Variants in CENPE observed in about 807,000 individuals in gnomAD.
CENPE encodes the protein centromere protein E, also known as centromere-associated protein E.
A neutral mutation model predicts 336.1 loss-of-function variants in CENPE; 145 were observed. That is an observed-to-expected ratio of 0.43 (90% CI 0.38 to 0.50). CENPE has a LOEUF of 0.50. CENPE is among the 20% of genes least tolerant of loss of function. CENPE has a pLI of 0.00. For synonymous variants in CENPE, 1,013 were observed against 984.8 expected (o/e 1.03, Z -0.54); for missense variants, 2,719 against 3,023.3 (o/e 0.90, Z 2.36).
At position 103,145,623 on chromosome 4, in the gene CENPE, T is replaced by G. The variant is rs772741547; in HGVS notation, c.4472A>C (p.Glu1491Ala). Residue 1491 changes from glutamate to alanine, a missense_variant, in exon 31 of 49, where the codon GAA (glutamate) becomes GCA (alanine). Physicochemically the swap from Glu to Ala is moderately radical, Grantham distance 107 (BLOSUM62 -1). Coordinates refer to ENST00000265148, the MANE Select transcript of CENPE (RefSeq NM_001813.3). The part of the protein sequence containing the change: ...VAHCCLKEQE[E>A]TINELRVNLS... ...ATTCACTCTTAACTCATTAATAGTT[T>G]CCTCTTGTTCTTTCAGGCAACAATG... The G allele has an allele frequency of 1.2e-6, 2 of 1,608,450 alleles. No individual in the cohort carries two copies. Among genetic ancestry groups the G allele is most frequent in the Non-Finnish European group, 1.7e-6 (2 of 1,178,218 alleles).
chr4:103,115,289 A>T (rs191728438), intron 45 of CENPE, among the ~76,000 whole-genome samples: 164 of 152,064 alleles, frequency 1.1e-3, no homozygotes, highest in African/African-American at 3.3e-3. Flanking sequence ...ACCTGCCACC[A>T]CGCCTGGCTA....
At chr4:103,172,518 C>T (rs553249808) in intron 16 of CENPE, among the ~76,000 whole-genome samples, 43 of 152,080 alleles carry the variant, frequency 2.8e-4, no homozygotes, top group South Asian at 6.2e-4. Context: ...AGCTGAAAGC[C>T]TTTTACTCTA....
rs769722090 is a variant in CENPE at position 103,183,205 on chromosome 4, C to G, written c.829G>C (p.Val277Leu). The G allele has an allele frequency of 3.1e-6, 5 of 1,610,778 alleles. No homozygotes were observed. In the Admixed American group the frequency reaches 6.7e-5, roughly 22 times the overall value. ...QVIKKLSDGQVGGFINYRDSK... is the reference protein window; with the variant it reads ...QVIKKLSDGQLGGFINYRDSK... ...TGCACAACGGGATAAACTTACCCAA[C>G]TTGTCCATCACTAAGTTTCTTGATC... Residue 277 changes from valine (V) to leucine (L), a missense_variant, in exon 10 of 49, where the codon GTT becomes CTT. Physicochemically the swap from Val to Leu is conservative, Grantham distance 32. Coordinates refer to ENST00000265148, the MANE Select transcript of CENPE (RefSeq NM_001813.3).
In CENPE at chr4:103,158,779, C is replaced by A. The variant is rs1308898555; in HGVS notation, c.2709G>T (p.Leu903=). The change falls in exon 23 of 49, where the codon CTG becomes CTT. Residue 903 remains leucine (L), a synonymous_variant. Transcript: ENST00000265148. ...KEQLENRDST[L]QTVEREKTLI... is the part of the protein sequence containing the mutation. ...GTGTTTTCTCCCTTTCTACAGTTTG[C>A]AGCGTAGAATCTCTATTTTCTAATT... is the stretch of plus-strand genomic sequence containing the variant. 4 of 1,613,022 alleles carry A rather than the reference C, an allele frequency of 2.5e-6. No homozygotes were observed. The South Asian group carries it at 4.4e-5, about 18-fold the overall frequency.
At chr4:103,148,784 T>TAC in intron 28 of CENPE, 60 bp downstream of exon 28, 6 of 1,488,496 alleles carry the variant, frequency 4.0e-6, no homozygotes, top group Non-Finnish European at 5.5e-6. Context: ...CTGCTTATCT[T>TAC]TCCTTCAAAG....
At chr4:103,123,996 C>T (rs1024155574) in intron 42 of CENPE, among the ~76,000 whole-genome samples, 2 of 152,166 alleles carry the variant, frequency 1.3e-5, no homozygotes, top group African/African-American at 4.8e-5. Flanking sequence ...AGAGAGTCCA[C>T]ATTCATATAA....
In CENPE at chr4:103,196,000, T is replaced by A; in HGVS notation, c.277A>T (p.Thr93Ser). The A allele has an allele frequency of 6.2e-7, 1 of 1,613,716 alleles. No individual in the cohort carries two copies. Among genetic ancestry groups the A allele is most frequent in the South Asian group, 1.1e-5 (1 of 91,070 alleles). The change falls in exon 4 of 49, where the codon ACA becomes TCA. Residue 93 changes from threonine (T) to serine (S), a missense_variant. Thr to Ser is a moderately conservative substitution (Grantham distance 58). Around this residue, in one of 5 missense-constraint regions of CENPE, gnomAD observed 106 missense variants for 189.3 expected, o/e 0.56. Transcript: ENST00000265148. ...TCTTCTGAACCCATCATGGTATATG[T>A]TTTTCCTGAAGCAGTCTGTCCATAG... ...FAYGQTASGK[T>S]YTMMGSEDHL...
rs896625885 is a variant in CENPE at position 103,141,046 on chromosome 4, T to C, written c.5522A>G (p.Glu1841Gly). 2 of 1,593,030 alleles carry C rather than the reference T, an allele frequency of 1.3e-6. No homozygotes were observed. Among genetic ancestry groups the C allele is most frequent in the Non-Finnish European group, 1.7e-6 (2 of 1,167,636 alleles). Reference sequence around the variant, plus strand: ...CATTTCAGACACTTTTTTCTGTGTCTCATTGACATCTTTTTTTAACGTAAT... The same window carrying C: ...CATTTCAGACACTTTTTTCTGTGTCCCATTGACATCTTTTTTTAACGTAAT... ...QLITLKKDVN[E>G]TQKKVSEMEQ... Residue 1841 changes from glutamate to glycine, a missense_variant, in exon 36 of 49, where the codon GAG (glutamate) becomes GGG (glycine). Glu to Gly is a moderately conservative substitution (Grantham distance 98). This residue lies in a region of CENPE where 2,437 missense variants were observed against 2,513.3 expected (regional missense o/e 0.97). Coordinates refer to ENST00000265148, the MANE Select transcript of CENPE (RefSeq NM_001813.3).
chr4:103,160,757 C>G lies in CENPE; in HGVS notation c.2154G>C (p.Leu718Phe), dbSNP rs1754375743. Residue 718 changes from leucine (L) to phenylalanine (F), a missense_variant, in exon 21 of 49, where the codon TTG becomes TTC. Leu to Phe is a conservative substitution (Grantham distance 22). Around this residue, in one of 5 missense-constraint regions of CENPE, gnomAD observed 2,437 missense variants for 2,513.3 expected, o/e 0.97. Coordinates refer to ENST00000265148, the MANE Select transcript of CENPE (RefSeq NM_001813.3). ...TCTGAAGATCAGTAATCTTTCCTTC[C>G]AATTCCAAATTACAGAGCAAATCTA... ...VPKDLLCNLELEGKITDLQKE... is the reference protein window; with the variant it reads ...VPKDLLCNLEFEGKITDLQKE... 6.2e-7 allele frequency: 1 copy of G among 1,600,006 alleles called. No homozygotes were observed. Among genetic ancestry groups the G allele is most frequent in the South Asian group, 1.1e-5 (1 of 88,380 alleles).
chr4:103,168,972 T>A, intron 16 of CENPE, among the ~76,000 whole-genome samples: 1 of 152,144 alleles, frequency 6.6e-6, no homozygotes, highest in Admixed American at 6.5e-5. Flanking sequence ...AGTAAGATAC[T>A]GGTGACTGAT....
At chr4:103,174,947 A>AT (rs548045119) in intron 15 of CENPE, 44 bp from the exon 16 acceptor site, 6 of 1,199,852 alleles carry the variant, frequency 5.0e-6, no homozygotes, top group Non-Finnish European at 6.7e-6. Flanking sequence ...AAATTCAAAT[A>AT]TTTTTTGTTT....
chr4:103,185,754 T>A, intron 9 of CENPE, 56 bp downstream of exon 9: 1 of 1,240,376 alleles, frequency 8.1e-7, no homozygotes, highest in Non-Finnish European at 1.1e-6. Flanking sequence ...TAGTACTTTT[T>A]AAACCTGTAA....
chr4:103,183,338 T>G (rs779640816), intron 9 of CENPE, 50 bp from the exon 10 acceptor site: 5 of 1,430,630 alleles, frequency 3.5e-6, no homozygotes, highest in Non-Finnish European at 4.9e-6. Flanking sequence ...CTTTTCTAGA[T>G]GATAAACTTA....
intron 6 of CENPE, 74 bp downstream of exon 6, chr4:103,194,529 T>C: frequency 3.4e-6 from 5 of 1,466,410 alleles, no homozygotes; most frequent in Non-Finnish European, 4.7e-6. Context: ...AAAGTATGAT[T>C]TGAGGTCCAA....
chr4:103,158,389 TATTA>T lies in CENPE; in HGVS notation c.2940_2943del (p.Asn981HisfsTer2). On this transcript the variant is annotated frameshift_variant, in exon 24 of 49. Coordinates refer to ENST00000265148, the MANE Select transcript of CENPE (RefSeq NM_001813.3). LOFTEE classifies it high-confidence loss of function. ...TCCTCAGAAATTTTCGATTTTAGTG[TATTA>T]ATTGTTTCTTGATGTTGTTTCAGAG... The T allele has an allele frequency of 3.7e-6, 6 of 1,608,936 alleles. No homozygotes were observed. Among genetic ancestry groups the T allele is most frequent in the South Asian group, 1.1e-5 (1 of 90,628 alleles).
At chr4:103,124,649 CTT>C (rs1290281473) in intron 42 of CENPE, among the ~76,000 whole-genome samples, 3 of 152,278 alleles carry the variant, frequency 2.0e-5, no homozygotes, top group African/African-American at 7.2e-5. Context: ...TAACAATACT[CTT>C]TTATATTGAA....
chr4:103,145,064 C>A lies in CENPE; in HGVS notation c.4843G>T (p.Glu1615Ter). The A allele has an allele frequency of 6.7e-7, 1 of 1,499,616 alleles. No homozygotes were observed. Among genetic ancestry groups the A allele is most frequent in the South Asian group, 1.5e-5 (1 of 68,034 alleles). The allele number at this position is 1,499,616 out of a possible 1,614,324, so 92.9% of individuals were successfully genotyped here. A position where few individuals can be genotyped will look rare whatever the true frequency, so the allele number is the denominator to read the frequency against. ...TGGGAACTTACTTTAGCTACAATTT[C>A]TTTAGTGTTTTCTTTCAGTTGGTCT... is the stretch of plus-strand genomic sequence containing the variant. ...ERDQLKENTKEIVAKMKESQE... is the reference protein window; with the variant it reads ...ERDQLKENTK The change falls in exon 32 of 49, where the codon GAA becomes TAA. Residue 1615 changes from glutamate to a stop codon, truncating the protein, a stop_gained. Transcript: ENST00000265148. LOFTEE classifies it high-confidence loss of function.
At position 103,110,958 on chromosome 4, in the gene CENPE, C is replaced by T. The variant is rs1479533020; in HGVS notation, c.7594G>A (p.Gly2532Ser). 6.2e-7 allele frequency: 1 copy of T among 1,611,916 alleles called. No individual in the cohort carries two copies. The highest frequency in any genetic ancestry group is 2.2e-5 in the East Asian group (1 of 44,794). ...QPSNKPLTCGGGSGIVQNTKA... is the reference protein window; with the variant it reads ...QPSNKPLTCGSGSGIVQNTKA... ...GTGTTTTGTACAATGCCGCTGCCACCTCCACAAGTTAAGGGTTTATTTGAA... is the reference window on the plus strand; with the variant it reads ...GTGTTTTGTACAATGCCGCTGCCACTTCCACAAGTTAAGGGTTTATTTGAA... The change falls in exon 47 of 49, where the codon GGT (glycine) becomes AGT (serine). Residue 2532 changes from glycine (G) to serine (S), a missense_variant. By Grantham distance (56) the Gly-to-Ser change is moderately conservative (BLOSUM62 0). Around this residue, in one of 5 missense-constraint regions of CENPE, gnomAD observed 2,437 missense variants for 2,513.3 expected, o/e 0.97. Transcript: ENST00000265148.
chr4:103,145,962 G>A lies in CENPE; in HGVS notation c.4280C>T (p.Ser1427Phe). 6.2e-7 allele frequency: 1 copy of A among 1,613,860 alleles called. No homozygotes were observed. Among genetic ancestry groups the A allele is most frequent in the African/African-American group, 1.3e-5 (1 of 74,970 alleles). Reference protein sequence around the residue: ...LRIEIEMLGLSKRLQESHDEM... With the variant: ...LRIEIEMLGLFKRLQESHDEM... ...ATCATGACTTTCTTGAAGTCTTTTGGACAATCCGAGCATTTCTATTTCTAT... is the reference window on the plus strand; with the variant it reads ...ATCATGACTTTCTTGAAGTCTTTTGAACAATCCGAGCATTTCTATTTCTAT... The change falls in exon 30 of 49, where the codon TCC (serine) becomes TTC (phenylalanine). Residue 1427 changes from serine to phenylalanine, a missense_variant. Ser to Phe is a radical substitution (Grantham distance 155). Around this residue, in one of 5 missense-constraint regions of CENPE, gnomAD observed 2,437 missense variants for 2,513.3 expected, o/e 0.97. Coordinates refer to ENST00000265148, the MANE Select transcript of CENPE (RefSeq NM_001813.3).
Sources: gnomAD v4.1 joint callset for allele counts (sites outside exome capture counted in the v4.1 genomes callset) on GRCh38, gnomAD v4.1.1 for gene constraint, gnomAD v4.1.1 regional missense constraint, MANE v1.5 for transcripts, NCBI Gene and HGNC (gene_info 2026-07-23, HGNC 2026-07-21) for gene names.